The following SYT1 variants were observed in gnomAD, a reference collection of about 807,000 sequenced individuals.
SYT1 encodes synaptotagmin 1.
SYT1 carries 8 observed loss-of-function variants against 44.8 expected under a neutral mutation model. That is an observed-to-expected ratio of 0.18 (90% CI 0.10 to 0.32). The LOEUF (loss-of-function observed/expected upper bound fraction) is 0.32, where lower values mean the gene tolerates loss of function less well. Among genes scored for constraint, SYT1 ranks in the 10% least tolerant of loss-of-function variants. SYT1 has a pLI of 1.00. For missense variants in SYT1, 286 were observed against 509.3 expected (o/e 0.56, Z 4.22); for synonymous variants, 154 against 188.8 (o/e 0.82, Z 1.51).
intron 1 of SYT1, among the ~76,000 whole-genome samples, chr12:78,936,388 A>G (rs1236062989): frequency 6.6e-6 from 1 of 152,144 alleles, no homozygotes; most frequent in Non-Finnish European, 1.5e-5. Context: ...GCTTCCTACT[A>G]TATAATTGAA....
At chr12:78,956,921 G>A (rs757745592) in intron 1 of SYT1, among the ~76,000 whole-genome samples, 1 of 152,002 alleles carries the variant, frequency 6.6e-6, no homozygotes, top group Non-Finnish European at 1.5e-5. Flanking sequence ...AGATCAAATA[G>A]GACAGGAGCC....
intron 10 of SYT1, among the ~76,000 whole-genome samples, chr12:79,445,055 T>C (rs1593072902): frequency 6.6e-6 from 1 of 152,108 alleles, no homozygotes; most frequent in Non-Finnish European, 1.5e-5. Flanking sequence ...GTGTATATTT[T>C]CAGTGATACA....
Position 79,333,992 on chromosome 12 carries a change from C to G in SYT1, c.811-19510C>G, listed in dbSNP as rs145710618. The stretch of plus-strand genomic sequence containing the variant: ...CATGGTCCGTGACATTGCTCCCCTT[C>G]TGGAAACATTGATACCCAAAATCCT... On this transcript the variant is annotated intron_variant, in intron 8 of 10. Coordinates refer to ENST00000261205, the MANE Select transcript of SYT1 (RefSeq NM_005639.3). 2.4e-4 allele frequency among the ~76,000 whole-genome samples: 37 copies of G among 152,222 alleles called. No homozygotes were observed. The East Asian group carries it at 6.9e-3, about 29-fold the overall frequency.
intron 4 of SYT1, among the ~76,000 whole-genome samples, chr12:79,266,649 A>T (rs1053017736): frequency 3.9e-5 from 6 of 152,206 alleles, no homozygotes; most frequent in Admixed American, 3.9e-4. Flanking sequence ...TAAATCAAGG[A>T]TCATGGGAGT....
At chr12:78,876,818 C>CATATTATATGTATTATATATAAT (rs1375731423) in intron 1 of SYT1, among the ~76,000 whole-genome samples, 1 of 10,310 alleles carries the variant, frequency 9.7e-5, no homozygotes, top group African/African-American at 1.7e-4. Context: ...TAATACATAT[C>CATATTATATGTATTATATATAAT]ATATATTATA....
At chr12:79,406,915 G>C (rs1885262758) in intron 9 of SYT1, among the ~76,000 whole-genome samples, 1 of 152,018 alleles carries the variant, frequency 6.6e-6, no homozygotes, top group African/African-American at 2.4e-5. Context: ...TGGTGTAGAG[G>C]TGAACTACCC....
chr12:79,428,631 G>C (rs1210662816), intron 9 of SYT1, among the ~76,000 whole-genome samples: 2 of 152,098 alleles, frequency 1.3e-5, no homozygotes, highest in Non-Finnish European at 2.9e-5. Flanking sequence ...GACGGGACAG[G>C]GCCAGAAATA....
intron 1 of SYT1, among the ~76,000 whole-genome samples, chr12:78,936,455 T>A (rs1878063524): frequency 6.6e-6 from 1 of 152,172 alleles, no homozygotes; most frequent in Non-Finnish European, 1.5e-5. Flanking sequence ...GTTACGTCTT[T>A]TAAGCGGCTT....
chr12:79,100,964 T>C (rs1202948113), intron 3 of SYT1, among the ~76,000 whole-genome samples: 1 of 152,160 alleles, frequency 6.6e-6, no homozygotes, highest in Non-Finnish European at 1.5e-5. Flanking sequence ...ATGTTATTTC[T>C]ACCTCACTGC....
chr12:79,144,337 C>G (rs1441048573), intron 3 of SYT1, among the ~76,000 whole-genome samples: 1 of 152,158 alleles, frequency 6.6e-6, no homozygotes, highest in Non-Finnish European at 1.5e-5. Context: ...TAATAGAGAA[C>G]AGAGCTATCA....
At chr12:79,284,761 C>T (rs1197474588) in intron 4 of SYT1, among the ~76,000 whole-genome samples, 1 of 151,568 alleles carries the variant, frequency 6.6e-6, no homozygotes, top group Non-Finnish European at 1.5e-5. Context: ...ATTGCTTGAA[C>T]CCAGGAGGCA....
chr12:79,154,350 G>A (rs927046816), intron 3 of SYT1, among the ~76,000 whole-genome samples: 5 of 151,594 alleles, frequency 3.3e-5, no homozygotes, highest in African/African-American at 1.2e-4. Context: ...GAACATTATG[G>A]GTAGGAATTT....
chr12:79,442,068 T>C (rs1312996459), intron 9 of SYT1, among the ~76,000 whole-genome samples: 3 of 152,244 alleles, frequency 2.0e-5, no homozygotes, highest in African/African-American at 7.2e-5. Flanking sequence ...TTATCACTTA[T>C]TGTGTTAAAT....
intron 2 of SYT1, chr12:79,036,397 C>T (rs1403801569): frequency 1.3e-5 from 2 of 151,806 alleles, no homozygotes; most frequent in Non-Finnish European, 1.5e-5. Flanking sequence ...AATATAGATG[C>T]TAAGAATTTA....
At chr12:79,150,730 G>T (rs1031603173) in intron 3 of SYT1, among the ~76,000 whole-genome samples, 1 of 152,094 alleles carries the variant, frequency 6.6e-6, no homozygotes, top group Non-Finnish European at 1.5e-5. Flanking sequence ...GGAATGATTG[G>T]GCATTCATAG....
At chr12:79,380,682 C>G (rs950335060) in intron 9 of SYT1, among the ~76,000 whole-genome samples, 2 of 152,138 alleles carry the variant, frequency 1.3e-5, no homozygotes, top group Admixed American at 1.3e-4. Context: ...GCCATCATGC[C>G]CAGCTAAACA....
intron 2 of SYT1, among the ~76,000 whole-genome samples, chr12:79,000,389 G>A (rs1335272259): frequency 6.6e-6 from 1 of 151,076 alleles, no homozygotes; most frequent in African/African-American, 2.4e-5. Flanking sequence ...CGCCGCCTGG[G>A]TTCAAGCGAT....
Position 79,382,760 on chromosome 12 carries a change from A to T in SYT1, c.928+29141A>T, listed in dbSNP as rs7308612. On this transcript the variant is annotated intron_variant, in intron 9 of 10. Coordinates refer to ENST00000261205, the MANE Select transcript of SYT1 (RefSeq NM_005639.3). ...GTTTTTCACTTTTTAAATGATGGCA[A>T]ATGTTACGTGCTCCAAACGCTGAGT... Among the ~76,000 whole-genome samples, 652 of 152,322 alleles carry T rather than the reference A, an allele frequency of 4.3e-3. 2 individuals are homozygous for T. Among genetic ancestry groups the T allele is most frequent in the African/African-American group, 0.014 (583 of 41,576 alleles).
At position 79,372,843 on chromosome 12, in the gene SYT1, C is replaced by A. The variant is rs75076227; in HGVS notation, c.928+19224C>A. ...TATCTCTAGCTTCTAAATAGTTGTC[C>A]ATCAGCACGCACTGTGCACCCCATC... On this transcript the variant is annotated intron_variant, in intron 9 of 10. Coordinates refer to ENST00000261205, the MANE Select transcript of SYT1 (RefSeq NM_005639.3). Among the ~76,000 whole-genome samples, 1,234 of 149,914 alleles carry A rather than the reference C, an allele frequency of 8.2e-3. 11 individuals are homozygous for A. Among genetic ancestry groups the A allele is most frequent in the African/African-American group, 0.023 (922 of 39,778 alleles).
Sources: allele counts gnomAD v4.1 joint callset (sites outside exome capture counted in the v4.1 genomes callset), GRCh38; gene constraint gnomAD v4.1.1; transcripts MANE v1.5; gene names NCBI Gene and HGNC (gene_info 2026-07-23, HGNC 2026-07-21).